Variants in MYO5B observed in about 807,000 individuals in gnomAD.
The protein encoded by MYO5B is unconventional myosin-Vb.
Under a neutral mutation model 229.3 loss-of-function variants are expected in MYO5B, and 143 were observed. The ratio of observed to expected loss-of-function variants is 0.62; its 90% CI spans 0.54 to 0.72. The LOEUF (loss-of-function observed/expected upper bound fraction) is 0.72, where lower values mean the gene tolerates loss of function less well. MYO5B is among the 30% of genes least tolerant of loss of function. The pLI, the probability that MYO5B is intolerant of heterozygous loss-of-function variation, is 0.00. For missense variants in MYO5B, 2,321 were observed against 2,331.0 expected (o/e 1.00, Z 0.09); for synonymous variants, 918 against 885.2 (o/e 1.04, Z -0.66).
intron 4 of MYO5B, among the ~76,000 whole-genome samples, chr18:50,025,508 C>A (rs2026320979): frequency 1.3e-5 from 2 of 152,216 alleles, no homozygotes. Flanking sequence ...TAAACTCTTT[C>A]TCTGCTGAAA....
intron 4 of MYO5B, among the ~76,000 whole-genome samples, chr18:50,035,700 TATG>T (rs1411308116): frequency 6.6e-6 from 1 of 152,252 alleles, no homozygotes; most frequent in Non-Finnish European, 1.5e-5. Flanking sequence ...TAATATAGTG[TATG>T]GTCTTTCTTT....
At chr18:50,047,340 T>C (rs2030258997) in intron 2 of MYO5B, among the ~76,000 whole-genome samples, 1 of 152,226 alleles carries the variant, frequency 6.6e-6, no homozygotes, top group Non-Finnish European at 1.5e-5. Flanking sequence ...CATGAAAAGA[T>C]GCTCACCATC....
chr18:50,045,680 G>A (rs188070135), intron 2 of MYO5B, among the ~76,000 whole-genome samples: 674 of 152,292 alleles, frequency 4.4e-3, no homozygotes, highest in Middle Eastern at 6.8e-3. Flanking sequence ...GAGCCGCCAC[G>A]ATCCTGGCCT....
At chr18:49,933,456 T>C (rs190410349) in intron 16 of MYO5B, among the ~76,000 whole-genome samples, 61 of 152,328 alleles carry the variant, frequency 4.0e-4, no homozygotes. Context: ...GTAAGAGGTA[T>C]GATAGATGTT....
In MYO5B at chr18:49,953,374, G is replaced by GT. The variant is rs758402070; in HGVS notation, c.1669-32dup. ...GCCACAGCAACCAGAGAGAGACACAGTCGTTAGTGCTTCAGCAGTTTCTCA... is the reference window on the plus strand; with the variant it reads ...GCCACAGCAACCAGAGAGAGACACAGTTCGTTAGTGCTTCAGCAGTTTCTCA... On this transcript the variant is annotated intron_variant, in intron 13 of 39. Coordinates refer to ENST00000285039, the MANE Select transcript of MYO5B (RefSeq NM_001080467.3). 5.0e-6 allele frequency: 8 copies of GT among 1,590,806 alleles called. No individual in the cohort carries two copies. The Admixed American group carries it at 1.3e-4, about 27-fold the overall frequency.
chr18:49,992,209 C>A, intron 6 of MYO5B, 79 bp downstream of exon 6: 1 of 1,578,724 alleles, frequency 6.3e-7, no homozygotes, highest in South Asian at 1.1e-5. Context: ...CTCTTTGGGT[C>A]CAGGGAGTGG....
intron 1 of MYO5B, among the ~76,000 whole-genome samples, chr18:50,159,829 A>G (rs2032738184): frequency 6.6e-6 from 1 of 152,100 alleles, no homozygotes; most frequent in Non-Finnish European, 1.5e-5. Flanking sequence ...CACTGATATC[A>G]TGCTGCACAT....
Position 50,078,563 on chromosome 18 carries a change from A to G in MYO5B, c.28-23185T>C, listed in dbSNP as rs561745892. On this transcript the variant is annotated intron_variant, in intron 1 of 39. Transcript: ENST00000285039. ...ATACCATTACACACACCACCACTTT[A>G]CACTCAACATAATGCCTAAAAGAAA... Among the ~76,000 whole-genome samples the G allele has an allele frequency of 1.7e-4, 26 of 152,314 alleles. No individual in the cohort carries two copies. The South Asian group carries it at 5.4e-3, about 32-fold the overall frequency.
chr18:50,048,817 G>A (rs1373734948), intron 2 of MYO5B, among the ~76,000 whole-genome samples: 1 of 152,108 alleles, frequency 6.6e-6, no homozygotes, highest in Non-Finnish European at 1.5e-5. Flanking sequence ...GAGCTCAGGA[G>A]TTCGAGATCA....
At chr18:49,995,339 C>A (rs762830454) in intron 5 of MYO5B, among the ~76,000 whole-genome samples, 6 of 149,192 alleles carry the variant, frequency 4.0e-5, no homozygotes, top group Non-Finnish European at 8.9e-5. Context: ...ACTGCAAGCT[C>A]TGTCTCCCAG....
chr18:50,043,655 GTAAA>G (rs1263215815), intron 2 of MYO5B, among the ~76,000 whole-genome samples: 1 of 133,422 alleles, frequency 7.5e-6, no homozygotes, highest in Admixed American at 8.3e-5. Flanking sequence ...TTATAAATAT[GTAAA>G]TATATAAAAT....
At chr18:50,144,502 C>T (rs187196711) in intron 1 of MYO5B, among the ~76,000 whole-genome samples, 192 of 152,310 alleles carry the variant, frequency 1.3e-3, no homozygotes, top group African/African-American at 4.2e-3. Flanking sequence ...CCCCTTCACT[C>T]TCCCATCCAA....
At chr18:50,044,123 G>A (rs1382513923) in intron 2 of MYO5B, among the ~76,000 whole-genome samples, 1 of 152,128 alleles carries the variant, frequency 6.6e-6, no homozygotes, top group Non-Finnish European at 1.5e-5. Context: ...AGTGGTATTG[G>A]TTTCAGTAAA....
At chr18:49,890,935 A>G (rs537886032) in intron 22 of MYO5B, among the ~76,000 whole-genome samples, 146 of 152,344 alleles carry the variant, frequency 9.6e-4, no homozygotes, top group African/African-American at 3.2e-3. Flanking sequence ...AACAATGGCT[A>G]AAATATCTTC....
intron 4 of MYO5B, among the ~76,000 whole-genome samples, chr18:50,028,860 T>C (rs1175930419): frequency 1.3e-5 from 2 of 152,240 alleles, no homozygotes; most frequent in African/African-American, 4.8e-5. Flanking sequence ...AGCTTTGTGA[T>C]TTCAAGTTGA....
At chr18:49,989,932 A>G (rs994494442) in intron 7 of MYO5B, among the ~76,000 whole-genome samples, 5 of 152,208 alleles carry the variant, frequency 3.3e-5, no homozygotes, top group Admixed American at 6.5e-5. Flanking sequence ...CTCACATGCC[A>G]GAGCCCCCTC....
intron 14 of MYO5B, among the ~76,000 whole-genome samples, chr18:49,945,542 G>T (rs772321986): frequency 6.6e-6 from 1 of 151,942 alleles, no homozygotes; most frequent in African/African-American, 2.4e-5. Flanking sequence ...CACCGAAAGC[G>T]TGAGGGCATA....
intron 1 of MYO5B, among the ~76,000 whole-genome samples, chr18:50,057,054 G>GCTTTA (rs1277288217): frequency 1.3e-5 from 2 of 152,174 alleles, no homozygotes; most frequent in African/African-American, 4.8e-5. Flanking sequence ...ATAACAAAGA[G>GCTTTA]CTTTATTGCA....
chr18:50,187,879 G>A (rs1057194193), intron 1 of MYO5B, among the ~76,000 whole-genome samples: 5 of 152,118 alleles, frequency 3.3e-5, no homozygotes, highest in East Asian at 3.9e-4. Flanking sequence ...TGTCACTAGA[G>A]GGGGGCAGGG....
Sources: gnomAD v4.1 joint callset for allele counts (sites outside exome capture counted in the v4.1 genomes callset) on GRCh38, gnomAD v4.1.1 for gene constraint, MANE v1.5 for transcripts, NCBI Gene and HGNC (gene_info 2026-07-23, HGNC 2026-07-21) for gene names.